Variants in LOC400499 observed in about 807,000 individuals in gnomAD.
the LOC400499 span, among the ~76,000 whole-genome samples, chr16:11,501,134 G>T: frequency 6.6e-6 from 1 of 152,064 alleles, no homozygotes. Flanking sequence ...TCTGGCTGAG[G>T]CCCGTGCTCT....
At chr16:11,469,195 T>C in the LOC400499 span, 1 of 399,552 alleles carries the variant, frequency 2.5e-6, no homozygotes, top group Non-Finnish European at 4.4e-6. Context: ...TAGACGTCCC[T>C]GTCATCCAGC....
chr16:11,510,384 T>C, the LOC400499 span, among the ~76,000 whole-genome samples: 1 of 151,818 alleles, frequency 6.6e-6, no homozygotes, highest in African/African-American at 2.4e-5. Flanking sequence ...AGGTCGTGCC[T>C]GCCCCAGGGC....
the LOC400499 span, chr16:11,423,073 G>A: frequency 1.3e-5 from 5 of 398,996 alleles, no homozygotes; most frequent in Non-Finnish European, 2.2e-5. Flanking sequence ...AGCGAACTCA[G>A]CTCCGGGCCA....
chr16:11,515,505 ACATACATACATACATACG>A, the LOC400499 span, among the ~76,000 whole-genome samples: 3 of 151,568 alleles, frequency 2.0e-5, no homozygotes, highest in African/African-American at 7.3e-5. Flanking sequence ...ATACGTACGT[ACATACATACATACATACG>A]TACATACATA....
the LOC400499 span, among the ~76,000 whole-genome samples, chr16:11,427,690 CCCT>C: frequency 6.6e-6 from 1 of 152,162 alleles, no homozygotes; most frequent in African/African-American, 2.4e-5. Flanking sequence ...AAGCAATCTG[CCCT>C]CCTCCACCTC....
chr16:11,397,876 G>C, the LOC400499 span, among the ~76,000 whole-genome samples: 1 of 151,908 alleles, frequency 6.6e-6, no homozygotes, highest in Non-Finnish European at 1.5e-5. Context: ...TACATGGGAG[G>C]GCAGATATAC....
At chr16:11,445,421 CA>C in the LOC400499 span, among the ~76,000 whole-genome samples, 266 of 135,760 alleles carry the variant, frequency 2.0e-3, 1 homozygote, top group Non-Finnish European at 1.9e-3. Flanking sequence ...ACTCTTTCTC[CA>C]AAAAAAAAAA....
At chr16:11,436,478 G>A in the LOC400499 span, among the ~76,000 whole-genome samples, 40 of 152,170 alleles carry the variant, frequency 2.6e-4, no homozygotes, top group Admixed American at 8.5e-4. Context: ...CAAGGGACGT[G>A]AGCCTATCCC....
At chr16:11,393,367 A>T in the LOC400499 span, 1 of 1,232,046 alleles carries the variant, frequency 8.1e-7, no homozygotes, top group Non-Finnish European at 1.0e-6. Flanking sequence ...CAGCTAGCTG[A>T]GCTGGGACCC....
chr16:11,417,093 A>C, the LOC400499 span, among the ~76,000 whole-genome samples: 2,017 of 150,788 alleles, frequency 0.013, 56 homozygotes, highest in African/African-American at 0.047. Flanking sequence ...GTGTCCCCCA[A>C]AAAGAGATAT....
the LOC400499 span, chr16:11,439,671 G>C: frequency 6.6e-4 from 264 of 398,160 alleles, 4 homozygotes; most frequent in Non-Finnish European, 2.7e-5. Flanking sequence ...ATGCATCCCA[G>C]AATATGCCCA....
chr16:11,403,905 G>A, the LOC400499 span, among the ~76,000 whole-genome samples: 15 of 152,194 alleles, frequency 9.9e-5, no homozygotes, highest in African/African-American at 3.1e-4. Context: ...CTCAGGATAA[G>A]CCCCAGCTCC....
At chr16:11,473,910 C>T in the LOC400499 span, among the ~76,000 whole-genome samples, 1 of 152,214 alleles carries the variant, frequency 6.6e-6, no homozygotes, top group Non-Finnish European at 1.5e-5. Context: ...GGCTTGAGTG[C>T]AGTGGCATGA....
At chr16:11,445,431 A>AG in the LOC400499 span, among the ~76,000 whole-genome samples, 1 of 152,220 alleles carries the variant, frequency 6.6e-6, no homozygotes, top group East Asian at 1.9e-4. Context: ...CAAAAAAAAA[A>AG]AAGAAAGAAA....
chr16:11,477,079 G>A, the LOC400499 span: 20 of 399,350 alleles, frequency 5.0e-5, no homozygotes, highest in Admixed American at 8.4e-4. Context: ...CCACCCACAG[G>A]CTGTACATGC....
the LOC400499 span, among the ~76,000 whole-genome samples, chr16:11,525,105 G>A: frequency 5.3e-5 from 8 of 151,980 alleles, no homozygotes; most frequent in African/African-American, 1.9e-4. Context: ...CCAGCATGGC[G>A]AAACCCCCTC....
the LOC400499 span, among the ~76,000 whole-genome samples, chr16:11,498,111 G>A: frequency 6.6e-6 from 1 of 152,134 alleles, no homozygotes; most frequent in African/African-American, 2.4e-5. Flanking sequence ...TGGGACCTGG[G>A]GGAGATCAAA....
the LOC400499 span, among the ~76,000 whole-genome samples, chr16:11,382,638 T>C: frequency 8.0e-5 from 6 of 75,214 alleles, no homozygotes; most frequent in African/African-American, 4.3e-4. Flanking sequence ...CCCTAAACAG[T>C]GGTGTACATT....
chr16:11,449,618 G>A, the LOC400499 span, among the ~76,000 whole-genome samples: 13 of 152,214 alleles, frequency 8.5e-5, no homozygotes, highest in Non-Finnish European at 1.8e-4. Flanking sequence ...CAACTCAGGG[G>A]TCTCACCAGG....
Sources: allele counts gnomAD v4.1 joint callset (sites outside exome capture counted in the v4.1 genomes callset), GRCh38; gene constraint gnomAD v4.1.1; transcripts MANE v1.5.